Variants in DLG1 observed in about 807,000 individuals in gnomAD.
DLG1 encodes the protein disks large homolog 1.
Under a neutral mutation model 123.4 loss-of-function variants are expected in DLG1, and 42 were observed. The ratio of observed to expected loss-of-function variants is 0.34; its 90% CI spans 0.27 to 0.44. The LOEUF (loss-of-function observed/expected upper bound fraction) is 0.44, where lower values mean the gene tolerates loss of function less well. DLG1 is among the 20% of genes least tolerant of loss of function. DLG1 has a pLI of 1.00. For synonymous variants in DLG1, 317 were observed against 356.2 expected, an observed-to-expected ratio of 0.89 and a Z score of 1.24; for missense variants, 942 against 1,082.6, an observed-to-expected ratio of 0.87 and a Z score of 1.82.
intron 24 of DLG1, among the ~76,000 whole-genome samples, chr3:197,048,461 ACT>A (rs112350176): frequency 0.022 from 3,416 of 152,136 alleles, 124 homozygotes; most frequent in African/African-American, 0.076. Flanking sequence ...ACAGAGCAAG[ACT>A]CTGTCACAAA....
chr3:197,183,462 A>G, intron 5 of DLG1: 2 of 933,092 alleles, frequency 2.1e-6, no homozygotes, highest in South Asian at 3.5e-5. Flanking sequence ...ACATTTCTAC[A>G]CATCCAAGGT....
intron 5 of DLG1, among the ~76,000 whole-genome samples, chr3:197,180,412 G>A (rs531822881): frequency 6.6e-6 from 1 of 152,224 alleles, no homozygotes; most frequent in Non-Finnish European, 1.5e-5. Flanking sequence ...TAGGAGGGAC[G>A]CTGAGGGTGC....
intron 4 of DLG1, among the ~76,000 whole-genome samples, chr3:197,251,023 A>G (rs1754188815): frequency 1.3e-5 from 2 of 151,820 alleles, no homozygotes; most frequent in African/African-American, 4.8e-5. Flanking sequence ...GGACCCCCAA[A>G]ATGGAAAGCT....
chr3:197,114,453 G>C (rs1038748992), intron 13 of DLG1, among the ~76,000 whole-genome samples: 2 of 152,192 alleles, frequency 1.3e-5, no homozygotes, highest in Non-Finnish European at 2.9e-5. Context: ...AAAATACTGA[G>C]AGGTAACAGC....
intron 5 of DLG1, among the ~76,000 whole-genome samples, chr3:197,193,503 T>G (rs1251902301): frequency 1.3e-5 from 2 of 152,166 alleles, no homozygotes; most frequent in East Asian, 3.8e-4. Context: ...CTTTTTACAC[T>G]AGTAATAACC....
intron 24 of DLG1, among the ~76,000 whole-genome samples, chr3:197,046,862 C>T (rs1379081510): frequency 1.3e-5 from 2 of 151,004 alleles, no homozygotes; most frequent in Non-Finnish European, 2.9e-5. Context: ...AGAGTGAGAC[C>T]CTGGCTCAAA....
At chr3:197,118,707 T>C (rs377083100) in intron 12 of DLG1, among the ~76,000 whole-genome samples, 11 of 152,228 alleles carry the variant, frequency 7.2e-5, no homozygotes, top group African/African-American at 2.7e-4. Flanking sequence ...CAATGCTTTT[T>C]CACCAATTTT....
chr3:197,257,083 G>A (rs939335357), intron 4 of DLG1, among the ~76,000 whole-genome samples: 3 of 151,914 alleles, frequency 2.0e-5, no homozygotes, highest in African/African-American at 7.3e-5. Flanking sequence ...AAAATTTGAA[G>A]TCTTTTAAAA....
At chr3:197,053,599 C>A (rs1276322314) in intron 23 of DLG1, among the ~76,000 whole-genome samples, 2 of 151,386 alleles carry the variant, frequency 1.3e-5, no homozygotes, top group African/African-American at 4.9e-5. Flanking sequence ...TGGTGAAATC[C>A]CGTCTCCACT....
At chr3:197,077,469 CTTAT>C (rs1180239704) in intron 17 of DLG1, among the ~76,000 whole-genome samples, 1 of 151,996 alleles carries the variant, frequency 6.6e-6, no homozygotes, top group Non-Finnish European at 1.5e-5. Context: ...TCAGTACTGA[CTTAT>C]TTATTCTTAA....
intron 14 of DLG1, among the ~76,000 whole-genome samples, chr3:197,104,567 A>G (rs1765287862): frequency 6.6e-6 from 1 of 152,142 alleles, no homozygotes; most frequent in African/African-American, 2.4e-5. Context: ...CTGTAATCCC[A>G]GTTACTTGGG....
chr3:197,261,821 G>A (rs545439758), intron 4 of DLG1, among the ~76,000 whole-genome samples: 1 of 152,252 alleles, frequency 6.6e-6, no homozygotes, highest in South Asian at 2.1e-4. Context: ...GTATACTTGA[G>A]ACAGGCCCAA....
chr3:197,196,380 A>C (rs2150281549), intron 4 of DLG1, among the ~76,000 whole-genome samples: 1 of 152,260 alleles, frequency 6.6e-6, no homozygotes, highest in South Asian at 2.1e-4. Context: ...ATTAGTTTCA[A>C]AACCAATAAA....
At chr3:197,271,374 A>G (rs1385490379) in intron 4 of DLG1, among the ~76,000 whole-genome samples, 1 of 152,248 alleles carries the variant, frequency 6.6e-6, no homozygotes, top group African/African-American at 2.4e-5. Context: ...TACAAAAATC[A>G]GTCACACTTA....
At chr3:197,265,033 T>C (rs1037536298) in intron 4 of DLG1, among the ~76,000 whole-genome samples, 1 of 152,226 alleles carries the variant, frequency 6.6e-6, no homozygotes, top group Non-Finnish European at 1.5e-5. Context: ...ACTCAGGGAA[T>C]GATTATTCAA....
chr3:197,053,698 G>A (rs770773761), intron 23 of DLG1, among the ~76,000 whole-genome samples: 1 of 151,498 alleles, frequency 6.6e-6, no homozygotes, highest in Non-Finnish European at 1.5e-5. Flanking sequence ...CTTGAACCCG[G>A]GAGGCAGAGA....
At chr3:197,072,269 A>T (rs1222154043) in intron 18 of DLG1, among the ~76,000 whole-genome samples, 1 of 152,106 alleles carries the variant, frequency 6.6e-6, no homozygotes, top group Non-Finnish European at 1.5e-5. Context: ...CTCCATCTCT[A>T]ATTACATCCT....
At chr3:197,228,172 A>C (rs1462005453) in intron 4 of DLG1, among the ~76,000 whole-genome samples, 2 of 152,266 alleles carry the variant, frequency 1.3e-5, no homozygotes, top group African/African-American at 4.8e-5. Context: ...CATACTACCA[A>C]GTAAACTCAT....
At chr3:197,067,721 C>T (rs1218709120) in intron 19 of DLG1, among the ~76,000 whole-genome samples, 1 of 152,054 alleles carries the variant, frequency 6.6e-6, no homozygotes, top group African/African-American at 2.4e-5. Context: ...TCATGCCCAG[C>T]TAATTTTGTA....
Sources: gnomAD v4.1 joint callset for allele counts (sites outside exome capture counted in the v4.1 genomes callset) on GRCh38, gnomAD v4.1.1 for gene constraint, MANE v1.5 for transcripts, NCBI Gene and HGNC (gene_info 2026-07-23, HGNC 2026-07-21) for gene names.